INSR: variants seen among roughly 807,000 people sequenced by gnomAD.
INSR encodes IR.
Under a neutral mutation model 142.6 loss-of-function variants are expected in INSR, and 67 were observed. The observed-to-expected ratio is 0.47, with a 90% CI of 0.39 to 0.58. The LOEUF (loss-of-function observed/expected upper bound fraction) is 0.58, where lower values mean the gene tolerates loss of function less well. Ranked by LOEUF, INSR falls within the 20% of genes least tolerant of loss-of-function variation. INSR has a pLI of 0.00. For synonymous variants in INSR, 756 were observed against 743.1 expected (o/e 1.02, Z -0.28); for missense variants, 1,248 against 1,833.2 (o/e 0.68, Z 5.83).
In INSR at chr19:7,151,704, GA is replaced by G. The variant is rs113079437; in HGVS notation, c.2231+1021del. 3.1e-3 allele frequency among the ~76,000 whole-genome samples: 423 copies of G among 138,170 alleles called. 4 individuals are homozygous for G. The South Asian group carries it at 0.035, about 11-fold the overall frequency. 90.6% of individuals were successfully genotyped at this position (138,170 alleles called of 152,430 possible). A position where few individuals can be genotyped will look rare whatever the true frequency, so the allele number is the denominator to read the frequency against. On this transcript the variant is annotated intron_variant, in intron 10 of 21. Coordinates refer to ENST00000302850, the MANE Select transcript of INSR (RefSeq NM_000208.4). The stretch of plus-strand genomic sequence containing the variant: ...ATGCAACAAAAAAAGAAAAAGAAAA[GA>G]AAAAAAAAAAAGAGGATTCTTACAC...
At chr19:7,142,521 C>T (rs1369228121) in intron 12 of INSR, among the ~76,000 whole-genome samples, 1 of 151,544 alleles carries the variant, frequency 6.6e-6, no homozygotes, top group African/African-American at 2.4e-5. Flanking sequence ...ATGGTGAAAC[C>T]CCATCTCTAC....
At chr19:7,141,010 T>C (rs904966800) in intron 13 of INSR, among the ~76,000 whole-genome samples, 12 of 152,192 alleles carry the variant, frequency 7.9e-5, no homozygotes, top group Non-Finnish European at 1.5e-4. Flanking sequence ...TCTGGCTCAA[T>C]GGAAGCATCT....
At chr19:7,289,122 A>G (rs951698793) in intron 1 of INSR, among the ~76,000 whole-genome samples, 5 of 152,084 alleles carry the variant, frequency 3.3e-5, no homozygotes, top group Non-Finnish European at 7.4e-5. Flanking sequence ...GGGGACTGGC[A>G]ATGTCAAACC....
intron 2 of INSR, among the ~76,000 whole-genome samples, chr19:7,222,663 G>C (rs11672694): frequency 3.3e-5 from 5 of 152,064 alleles, no homozygotes; most frequent in Admixed American, 3.3e-4. Context: ...AAAGTGCTGG[G>C]ATTACAGGCA....
At chr19:7,219,145 G>A (rs1975523382) in intron 2 of INSR, among the ~76,000 whole-genome samples, 1 of 152,220 alleles carries the variant, frequency 6.6e-6, no homozygotes, top group African/African-American at 2.4e-5. Context: ...TCCAACATCT[G>A]AGTAGGGGCT....
intron 2 of INSR, among the ~76,000 whole-genome samples, chr19:7,190,659 C>T (rs148104665): frequency 2.5e-3 from 375 of 152,206 alleles, no homozygotes; most frequent in African/African-American, 8.5e-3. Context: ...CGTGAGCCAC[C>T]GCGCCCAACC....
chr19:7,264,353 A>ACAAT (rs1180500769), intron 2 of INSR, among the ~76,000 whole-genome samples: 1 of 152,112 alleles, frequency 6.6e-6, no homozygotes, highest in Non-Finnish European at 1.5e-5. Flanking sequence ...AAACAAACAA[A>ACAAT]CAACAGCAAC....
chr19:7,213,359 A>AC (rs1491224105), intron 2 of INSR, among the ~76,000 whole-genome samples: 2 of 121,414 alleles, frequency 1.6e-5, no homozygotes, highest in Non-Finnish European at 3.3e-5. Context: ...AAAAAAAAAA[A>AC]CAAACAAAAA....
chr19:7,142,789 A>G (rs1973102615), intron 12 of INSR, 27 bp downstream of exon 12: 1 of 1,612,856 alleles, frequency 6.2e-7, no homozygotes, highest in African/African-American at 1.3e-5. Context: ...CACCCATGAC[A>G]CTCGGACCCC....
chr19:7,122,775 T>C lies in INSR; in HGVS notation c.3370-2A>G. ...AGGGGGAGGGCGGCCAGGATTATTC[T>C]AAAACAGAAACACGGGGTTGGTGTT... On this transcript the variant is annotated splice_acceptor_variant, in intron 18 of 21. Transcript: ENST00000302850. LOFTEE classifies it high-confidence loss of function. 6.2e-7 allele frequency: 1 copy of C among 1,614,160 alleles called. No homozygotes were observed. The highest frequency in any genetic ancestry group is 8.5e-7 in the Non-Finnish European group (1 of 1,179,994).
At chr19:7,211,309 C>T (rs1321351856) in intron 2 of INSR, among the ~76,000 whole-genome samples, 2 of 152,152 alleles carry the variant, frequency 1.3e-5, no homozygotes, top group Admixed American at 6.5e-5. Context: ...TCGAGAATTC[C>T]TCCCACCTTG....
At chr19:7,234,910 T>C (rs1976109980) in intron 2 of INSR, among the ~76,000 whole-genome samples, 1 of 151,740 alleles carries the variant, frequency 6.6e-6, no homozygotes, top group Non-Finnish European at 1.5e-5. Flanking sequence ...TACAAAAAAT[T>C]AGCCAGGTGT....
At chr19:7,284,129 G>A (rs182963112) in intron 1 of INSR, among the ~76,000 whole-genome samples, 42 of 150,204 alleles carry the variant, frequency 2.8e-4, no homozygotes, top group African/African-American at 9.1e-4. Context: ...CAGTGGCACC[G>A]CCTTGGCTCA....
At chr19:7,147,707 G>A (rs1389188008) in intron 11 of INSR, among the ~76,000 whole-genome samples, 1 of 152,096 alleles carries the variant, frequency 6.6e-6, no homozygotes, top group African/African-American at 2.4e-5. Flanking sequence ...AGATATGTCC[G>A]TATTAGCAAG....
chr19:7,215,042 G>T (rs1337645151), intron 2 of INSR, among the ~76,000 whole-genome samples: 1 of 151,622 alleles, frequency 6.6e-6, no homozygotes, highest in Non-Finnish European at 1.5e-5. Flanking sequence ...CTACAGCCTC[G>T]ACCCCTGGGC....
In INSR at chr19:7,192,307, G is replaced by GA. The variant is rs151219612; in HGVS notation, c.653-7671dup. On this transcript the variant is annotated intron_variant, in intron 2 of 21. Transcript: ENST00000302850. The surrounding 1 kb of genome is among the most constrained non-coding windows in gnomAD (Gnocchi z 4.2). The stretch of plus-strand genomic sequence containing the variant: ...GAAAAGAAAAGAAAAGAAAAGAAAA[G>GA]AAAAAAATCACAGGCAGCCCAGGCT... Among the ~76,000 whole-genome samples the GA allele has an allele frequency of 2.5e-3, 320 of 128,326 alleles. 2 individuals carry two copies. The highest frequency in any genetic ancestry group is 0.016 in the East Asian group (69 of 4,224). The allele number at this position is 128,326 out of a possible 152,430, so 84.2% of individuals were successfully genotyped here.
At chr19:7,208,055 G>A (rs1013094349) in intron 2 of INSR, among the ~76,000 whole-genome samples, 2 of 152,202 alleles carry the variant, frequency 1.3e-5, no homozygotes, top group South Asian at 4.2e-4. Context: ...TCCAGCCCTT[G>A]TACCCCCCAG....
rs552352795 is a variant in INSR, at chr19:7,197,516, G to GGTGTGTGTGTGTGTGTGTGTGTGTGT, written c.653-12905_653-12880dup. On this transcript the variant is annotated intron_variant, in intron 2 of 21. Coordinates refer to ENST00000302850, the MANE Select transcript of INSR (RefSeq NM_000208.4). Reference sequence around the variant, plus strand: ...TGGCAGGTTCCAGAGTGGGAGTGGGGGTGTGTGTGTGTGTGTGTGTGTGTG... The same window carrying GGTGTGTGTGTGTGTGTGTGTGTGTGT: ...TGGCAGGTTCCAGAGTGGGAGTGGGGGTGTGTGTGTGTGTGTGTGTGTGTGTGTGTGTGTGTGTGTGTGTGTGTGTG... Among the ~76,000 whole-genome samples, 2 of 70,856 alleles carry GGTGTGTGTGTGTGTGTGTGTGTGTGT rather than the reference G, an allele frequency of 2.8e-5. 1 individual carries two copies. Among genetic ancestry groups the GGTGTGTGTGTGTGTGTGTGTGTGTGT allele is most frequent in the Non-Finnish European group, 5.6e-5 (2 of 35,640 alleles). The allele number at this position is 70,856 out of a possible 152,430, so 46.5% of individuals were successfully genotyped here. A position where few individuals can be genotyped will look rare whatever the true frequency, so the allele number is the denominator to read the frequency against.
intron 2 of INSR, among the ~76,000 whole-genome samples, chr19:7,235,671 G>A (rs1976134497): frequency 6.6e-6 from 1 of 151,932 alleles, no homozygotes; most frequent in Non-Finnish European, 1.5e-5. Flanking sequence ...GCAAGGTAGT[G>A]AGACCTCATC....
Sources: allele counts gnomAD v4.1 joint callset (sites outside exome capture counted in the v4.1 genomes callset), GRCh38; gene constraint gnomAD v4.1.1; non-coding constraint Gnocchi (gnomAD v3.1); transcripts MANE v1.5; gene names NCBI Gene and HGNC (gene_info 2026-07-23, HGNC 2026-07-21).